Variants in PTK2B observed in about 807,000 individuals in gnomAD.
PTK2B encodes protein tyrosine kinase 2 beta, also known as protein-tyrosine kinase 2-beta.
A neutral mutation model predicts 142.9 loss-of-function variants in PTK2B; 71 were observed. The observed-to-expected ratio is 0.50, with a 90% CI of 0.41 to 0.61. PTK2B has a LOEUF of 0.61. Ranked by LOEUF, PTK2B falls within the 20% of genes least tolerant of loss-of-function variation. The pLI is 0.00. For synonymous variants in PTK2B, 519 were observed against 503.4 expected (o/e 1.03, Z -0.42); for missense variants, 1,105 against 1,320.4 (o/e 0.84, Z 2.53).
At chr8:27,419,071 G>C (rs1441640442) in intron 2 of PTK2B, among the ~76,000 whole-genome samples, 1 of 152,098 alleles carries the variant, frequency 6.6e-6, no homozygotes, top group African/African-American at 2.4e-5. Flanking sequence ...AACTAGGCAG[G>C]GCCTTACAGA....
chr8:27,388,539 G>C (rs545371920), intron 1 of PTK2B, among the ~76,000 whole-genome samples: 1 of 152,222 alleles, frequency 6.6e-6, no homozygotes, highest in African/African-American at 2.4e-5. Context: ...GACATCAACT[G>C]TCAGAGGTGG....
At chr8:27,405,005 T>C (rs998210655) in intron 2 of PTK2B, among the ~76,000 whole-genome samples, 1 of 148,180 alleles carries the variant, frequency 6.7e-6, no homozygotes, top group Admixed American at 6.7e-5. Context: ...CCTCTCCCTC[T>C]CCCCCTCCCT....
At chr8:27,454,063 G>A (rs1236433157) in intron 28 of PTK2B, 91 bp from the exon 29 acceptor site, 3 of 1,525,150 alleles carry the variant, frequency 2.0e-6, no homozygotes, top group Non-Finnish European at 1.8e-6. Context: ...GGCTGGTGGT[G>A]GAGTTGGCCA....
At chr8:27,324,425 C>T (rs1803306222), upstream of PTK2B, among the ~76,000 whole-genome samples, 1 of 152,260 alleles carries the variant, frequency 6.6e-6, no homozygotes, top group African/African-American at 2.4e-5. Flanking sequence ...AGAGTCTGAT[C>T]TTCATCGGAC....
chr8:27,444,524 G>A (rs189295399), intron 23 of PTK2B, among the ~76,000 whole-genome samples: 3 of 152,180 alleles, frequency 2.0e-5, no homozygotes, highest in Non-Finnish European at 2.9e-5. Flanking sequence ...GCTGCTTTGT[G>A]TGCCTGCCTG....
rs144416840 is a variant in PTK2B at position 27,315,642 on chromosome 8, T to C, written c.-414+2355T>C. Among the ~76,000 whole-genome samples the C allele has an allele frequency of 4.4e-3, 671 of 152,194 alleles. 8 individuals carry two copies. The highest frequency in any genetic ancestry group is 0.015 in the African/African-American group (628 of 41,498). ...CTTATTTTGTTGGGTCTTTTTTTTT[T>C]CTCATATTCTGAATGGGGCCACAAA... On this transcript the variant is annotated intron_variant, in intron 3 of 35. Transcript: ENST00000397501.
intron 1 of PTK2B, among the ~76,000 whole-genome samples, chr8:27,348,778 G>A (rs1474398330): frequency 6.6e-6 from 1 of 152,030 alleles, no homozygotes; most frequent in Non-Finnish European, 1.5e-5. Context: ...TGCACTTGTT[G>A]TCAGGATGCC....
intron 1 of PTK2B, among the ~76,000 whole-genome samples, chr8:27,343,393 C>T (rs1339632000): frequency 2.0e-5 from 3 of 152,124 alleles, no homozygotes; most frequent in South Asian, 4.1e-4. Flanking sequence ...TACTTTGTTA[C>T]GAAAGTCACA....
intron 5 of PTK2B, 113 bp from the exon 6 acceptor site, chr8:27,429,980 G>C (rs1282077925): frequency 2.1e-6 from 2 of 970,508 alleles, no homozygotes; most frequent in Non-Finnish European, 3.3e-6. Flanking sequence ...CCTTTCTCCT[G>C]ATGATTCCCA....
At chr8:27,434,617 C>T in intron 13 of PTK2B, 58 bp downstream of exon 13, 1 of 1,543,432 alleles carries the variant, frequency 6.5e-7, no homozygotes, top group South Asian at 1.2e-5. Flanking sequence ...GCTTGCTCCC[C>T]ACTGCTTGCT....
chr8:27,361,268 G>C (rs964356105), intron 1 of PTK2B, among the ~76,000 whole-genome samples: 2 of 152,112 alleles, frequency 1.3e-5, no homozygotes, highest in African/African-American at 4.8e-5. Flanking sequence ...GCCCAGGCTG[G>C]AGTGCAGTGG....
intron 11 of PTK2B, 61 bp from the exon 12 acceptor site, chr8:27,434,032 G>C: frequency 6.4e-7 from 1 of 1,569,234 alleles, no homozygotes; most frequent in East Asian, 2.2e-5. Flanking sequence ...GAGGAGGTCA[G>C]TCACCCATCC....
chr8:27,371,892 G>GTAAT (rs1806382936), intron 1 of PTK2B, among the ~76,000 whole-genome samples: 1 of 152,178 alleles, frequency 6.6e-6, no homozygotes, highest in African/African-American at 2.4e-5. Context: ...GATTTCAGGA[G>GTAAT]TAATCTACTG....
chr8:27,335,185 C>G (rs1803984333), intron 1 of PTK2B, among the ~76,000 whole-genome samples: 1 of 152,182 alleles, frequency 6.6e-6, no homozygotes, highest in Admixed American at 6.5e-5. Context: ...AGCTTTCTGG[C>G]CCTGGGAAGC....
In PTK2B at chr8:27,397,792, A is replaced by G. The variant is rs989256825; in HGVS notation, c.204+4A>G. 1.2e-6 allele frequency: 2 copies of G among 1,613,716 alleles called. No homozygotes were observed. The highest frequency in any genetic ancestry group is 2.7e-5 in the African/African-American group (2 of 74,944). ...CACTGTCCAGACGGAGATCCGGGTA[A>G]GTGTGAAGTGTCTGCCCTGTCCATC... On this transcript the variant is annotated splice_donor_region_variant and intron_variant, in intron 2 of 30. Coordinates refer to ENST00000346049, the MANE Select transcript of PTK2B (RefSeq NM_173176.3).
chr8:27,411,302 G>A (rs1809046702), intron 2 of PTK2B, among the ~76,000 whole-genome samples: 1 of 152,068 alleles, frequency 6.6e-6, no homozygotes, highest in Non-Finnish European at 1.5e-5. Context: ...AGGAAGGCAG[G>A]GCTCGTGCAA....
chr8:27,404,802 A>C (rs1446229533), intron 2 of PTK2B, among the ~76,000 whole-genome samples: 2 of 152,116 alleles, frequency 1.3e-5, no homozygotes, highest in East Asian at 3.8e-4. Flanking sequence ...AACCAGACAC[A>C]AGGTGCACAG....
chr8:27,361,158 CT>C (rs1340074282), intron 1 of PTK2B, among the ~76,000 whole-genome samples: 2 of 152,174 alleles, frequency 1.3e-5, no homozygotes, highest in Non-Finnish European at 2.9e-5. Flanking sequence ...ATTCCACACT[CT>C]ATGTCCATAT....
intron 1 of PTK2B, among the ~76,000 whole-genome samples, chr8:27,328,934 C>T (rs6557992): frequency 0.73 from 110,646 of 150,932 alleles, 41,240 homozygotes; most frequent in African/African-American, 0.78. Context: ...GGAGCCCTTG[C>T]GTGCAACCTT....
Sources: allele counts gnomAD v4.1 joint callset (sites outside exome capture counted in the v4.1 genomes callset), GRCh38; gene constraint gnomAD v4.1.1; transcripts MANE v1.5; gene names NCBI Gene and HGNC (gene_info 2026-07-23, HGNC 2026-07-21).